ATXN8OS: variants seen among roughly 807,000 people sequenced by gnomAD.
ATXN8OS encodes the protein ATXN8 opposite strand (non-protein coding).
At position 70,107,826 on chromosome 13, in the gene ATXN8OS, A is replaced by G. The variant is rs985751021; in HGVS notation, n.47A>G. 8 of 699,990 alleles carry G rather than the reference A, an allele frequency of 1.1e-5. No homozygotes were observed. In the Admixed American group the frequency reaches 2.7e-4, roughly 23 times the overall value. 43.4% of individuals were successfully genotyped at this position (699,990 alleles called of 1,614,324 possible). ...ATGCGCCCTCTGCACCCCTAGAGCC[A>G]GAAGACGCTAGGTGGGCTGCGCGCT... On this transcript the variant is annotated non_coding_transcript_exon_variant, in exon 1 of 5. Transcript: ENST00000678624.
intron 4 of ATXN8OS, among the ~76,000 whole-genome samples, chr13:70,162,050 GGAAAA>G (rs1411771980): frequency 6.6e-6 from 1 of 151,666 alleles, no homozygotes; most frequent in African/African-American, 2.4e-5. Context: ...AGAAAAAAGA[GGAAAA>G]GAAGAAAGGG....
exon 5 of ATXN8OS, among the ~76,000 whole-genome samples, chr13:70,170,386 G>GT (rs1436855097): frequency 6.6e-6 from 1 of 152,090 alleles, no homozygotes; most frequent in Non-Finnish European, 1.5e-5. Context: ...TCTGGGAAGT[G>GT]TTTATATGCA....
intron 2 of ATXN8OS, among the ~76,000 whole-genome samples, chr13:70,121,304 A>G (rs973578335): frequency 3.3e-5 from 5 of 152,144 alleles, no homozygotes; most frequent in Non-Finnish European, 7.4e-5. Context: ...AAGGAACATA[A>G]AGATCACTGC....
At chr13:70,144,782 G>A (rs974168474) in intron 3 of ATXN8OS, among the ~76,000 whole-genome samples, 1 of 152,024 alleles carries the variant, frequency 6.6e-6, no homozygotes, top group African/African-American at 2.4e-5. Context: ...AATCATCTAA[G>A]TGACCCACTC....
At chr13:70,141,653 A>G (rs1888717533) in intron 3 of ATXN8OS, among the ~76,000 whole-genome samples, 1 of 152,012 alleles carries the variant, frequency 6.6e-6, no homozygotes, top group Admixed American at 6.6e-5. Flanking sequence ...TCTTAACTTT[A>G]AAGTGTTGTT....
chr13:70,129,939 G>C, intron 3 of ATXN8OS: 1 of 398,124 alleles, frequency 2.5e-6, no homozygotes, highest in Non-Finnish European at 4.4e-6. Context: ...TGCCATTAGT[G>C]CCTCCTTGAT....
At chr13:70,157,724 G>T (rs998598517) in intron 4 of ATXN8OS, among the ~76,000 whole-genome samples, 1 of 152,006 alleles carries the variant, frequency 6.6e-6, no homozygotes, top group Non-Finnish European at 1.5e-5. Flanking sequence ...ATTCTAAACA[G>T]ATTTAAAAAA....
At position 70,116,581 on chromosome 13, in the gene ATXN8OS, T is replaced by A. The variant is rs115323270; in HGVS notation, n.398+1283T>A. ...AGGAGGCAGCAGACAAGATACCAGA[T>A]CACTTACAGGATCTTTTAAGCCAGT... On this transcript the variant is annotated intron_variant and non_coding_transcript_variant, in intron 2 of 4. Transcript: ENST00000678624. 6.4e-3 allele frequency among the ~76,000 whole-genome samples: 970 copies of A among 152,232 alleles called. 15 individuals are homozygous for A. Among genetic ancestry groups the A allele is most frequent in the African/African-American group, 0.022 (933 of 41,542 alleles).
At chr13:70,151,819 G>A (rs1267033454) in intron 4 of ATXN8OS, among the ~76,000 whole-genome samples, 1 of 152,084 alleles carries the variant, frequency 6.6e-6, no homozygotes, top group African/African-American at 2.4e-5. Context: ...ACCTGAATTA[G>A]TGGATTTGTT....
chr13:70,134,172 G>A (rs946371593), intron 3 of ATXN8OS, among the ~76,000 whole-genome samples: 2 of 152,108 alleles, frequency 1.3e-5, no homozygotes, highest in African/African-American at 4.8e-5. Flanking sequence ...GTAAATAACA[G>A]GTACCTGTAG....
At position 70,147,048 on chromosome 13, in the gene ATXN8OS, T is replaced by C. The variant is rs192950039; in HGVS notation, n.500-307T>C. 1.4e-3 allele frequency among the ~76,000 whole-genome samples: 211 copies of C among 152,300 alleles called. 1 individual carries two copies. The highest frequency in any genetic ancestry group is 4.9e-3 in the African/African-American group (203 of 41,568). On this transcript the variant is annotated intron_variant and non_coding_transcript_variant, in intron 3 of 4. Transcript: ENST00000678624. ...ATGTGTTTTTGCAAATGGGAATGAC[T>C]GTGTTGTGTGCCTTCTTTTGGATAT... is the stretch of plus-strand genomic sequence containing the variant.
chr13:70,129,630 T>C (rs1218478800), intron 2 of ATXN8OS, among the ~76,000 whole-genome samples: 4 of 152,210 alleles, frequency 2.6e-5, no homozygotes, highest in African/African-American at 9.6e-5. Context: ...TTTTATATGT[T>C]ACTATGTTCT....
chr13:70,158,892 C>T (rs552618646), intron 4 of ATXN8OS, among the ~76,000 whole-genome samples: 22 of 152,100 alleles, frequency 1.4e-4, no homozygotes, highest in Non-Finnish European at 2.9e-4. Context: ...AGTTTGTCAA[C>T]CTCTGTGTTA....
intron 2 of ATXN8OS, among the ~76,000 whole-genome samples, chr13:70,128,855 C>A (rs1425328484): frequency 9.5e-6 from 1 of 104,858 alleles, no homozygotes; most frequent in Non-Finnish European, 1.9e-5. Context: ...AAAATCCCCC[C>A]ACCTTTTTTT....
intron 4 of ATXN8OS, among the ~76,000 whole-genome samples, chr13:70,168,268 G>A (rs1889101862): frequency 6.6e-6 from 1 of 152,006 alleles, no homozygotes; most frequent in Non-Finnish European, 1.5e-5. Flanking sequence ...TGGGGTACAT[G>A]TCTAATTTTA....
chr13:70,134,409 A>C (rs1271163386), intron 3 of ATXN8OS, among the ~76,000 whole-genome samples: 3 of 152,196 alleles, frequency 2.0e-5, no homozygotes, highest in Admixed American at 2.0e-4. Context: ...CATAGCCCTA[A>C]ATGCTGCACA....
intron 1 of ATXN8OS, chr13:70,108,058 A>C (rs1258019241): frequency 7.1e-6 from 3 of 421,732 alleles, no homozygotes; most frequent in African/African-American, 2.0e-5. Context: ...CGAGGGAGGG[A>C]GGTCTGAGCG....
chr13:70,156,749 G>T (rs1034112869), intron 4 of ATXN8OS, among the ~76,000 whole-genome samples: 1 of 151,996 alleles, frequency 6.6e-6, no homozygotes, highest in Admixed American at 6.6e-5. Flanking sequence ...CATTGAAAAA[G>T]GACATACCAC....
At chr13:70,115,250 G>A (rs1888258609) in exon 2 of ATXN8OS, 2 of 398,342 alleles carry the variant, frequency 5.0e-6, no homozygotes, top group African/African-American at 2.1e-5. Flanking sequence ...AGAGAACAAA[G>A]TCTGTGTCTC....
Sources: allele counts gnomAD v4.1 joint callset (sites outside exome capture counted in the v4.1 genomes callset), GRCh38; gene constraint gnomAD v4.1.1; transcripts MANE v1.5; gene names NCBI Gene and HGNC (gene_info 2026-07-23, HGNC 2026-07-21).